Variants in CCDC88C observed in about 807,000 individuals in gnomAD.
CCDC88C encodes the protein protein Daple.
A neutral mutation model predicts 198.8 loss-of-function variants in CCDC88C; 131 were observed. The observed-to-expected ratio is 0.66, with a 90% CI of 0.57 to 0.76. The LOEUF (loss-of-function observed/expected upper bound fraction) is 0.76, where lower values mean the gene tolerates loss of function less well. Ranked by LOEUF, CCDC88C falls within the 30% of genes least tolerant of loss-of-function variation. The pLI is 0.00. For missense variants in CCDC88C, 2,553 were observed against 2,631.6 expected (o/e 0.97, Z 0.65); for synonymous variants, 1,166 against 1,114.7 (o/e 1.05, Z -0.92).
chr14:91,394,048 C>T (rs531739797), intron 3 of CCDC88C, among the ~76,000 whole-genome samples: 19 of 152,282 alleles, frequency 1.2e-4, no homozygotes, highest in Non-Finnish European at 1.6e-4. Flanking sequence ...GAAGGTGAGC[C>T]TGTCTGGTTA....
Position 91,307,202 on chromosome 14 carries a change from T to C in CCDC88C, c.3031A>G (p.Arg1011Gly). The C allele has an allele frequency of 1.2e-6, 2 of 1,613,734 alleles. No individual in the cohort carries two copies. Among genetic ancestry groups the C allele is most frequent in the Non-Finnish European group, 1.7e-6 (2 of 1,179,876 alleles). Residue 1011 changes from arginine (R) to glycine (G), a missense_variant, in exon 18 of 30, where the codon AGG becomes GGG. By Grantham distance (125) the Arg-to-Gly change is moderately radical. Transcript: ENST00000389857. Reference protein sequence around the residue: ...QMLKKECETLRQNQGEGQHLQ... With the variant: ...QMLKKECETLGQNQGEGQHLQ... ...TGCTGCCCCTCTCCCTGGTTCTGCC[T>C]GAGGGTCTCACACTCCTTCTTTAGC...
At chr14:91,329,225 G>A (rs1385953227) in intron 10 of CCDC88C, among the ~76,000 whole-genome samples, 1 of 152,168 alleles carries the variant, frequency 6.6e-6, no homozygotes, top group South Asian at 2.1e-4. Context: ...TAAACCAAAC[G>A]GCAGGTCTGT....
chr14:91,355,203 G>A (rs1893987829), intron 4 of CCDC88C, among the ~76,000 whole-genome samples: 2 of 152,200 alleles, frequency 1.3e-5, no homozygotes, highest in African/African-American at 4.8e-5. Context: ...GAGGGCTGCA[G>A]AGGAGAGCTC....
At chr14:91,397,575 G>T (rs1465253413) in intron 3 of CCDC88C, among the ~76,000 whole-genome samples, 2 of 152,178 alleles carry the variant, frequency 1.3e-5, no homozygotes, top group Non-Finnish European at 2.9e-5. Flanking sequence ...TTCGCCCTCT[G>T]CAACACCTGC....
At position 91,294,259 on chromosome 14, in the gene CCDC88C, G is replaced by T. The variant is rs377320239; in HGVS notation, c.4026C>A (p.Ile1342=). The T allele has an allele frequency of 3.9e-5, 63 of 1,613,892 alleles. No individual in the cohort carries two copies. The highest frequency in any genetic ancestry group is 1.6e-4 in the Middle Eastern group (1 of 6,084). Residue 1342 remains isoleucine, a synonymous_variant, in exon 23 of 30, where the codon ATC becomes ATA. Transcript: ENST00000389857. ...EEENHHLLSQ[I]QLLSQQNQML... The stretch of plus-strand genomic sequence containing the variant: ...TCTGGTTCTGCTGGCTCAACAGCTG[G>T]ATCTGGCTCAGGAGGTGATGATTTT...
At chr14:91,290,963 G>T in intron 24 of CCDC88C, 32 bp downstream of exon 24, 2 of 1,344,414 alleles carry the variant, frequency 1.5e-6, no homozygotes, top group Non-Finnish European at 2.1e-6. Flanking sequence ...TTTAAGTTCT[G>T]TCTTTATGCC....
At position 91,277,910 on chromosome 14, in the gene CCDC88C, C is replaced by T. The variant is rs960384166; in HGVS notation, c.5058+12G>A. The T allele has an allele frequency of 7.4e-6, 11 of 1,482,680 alleles. No individual in the cohort carries two copies. Among genetic ancestry groups the T allele is most frequent in the Middle Eastern group, 1.8e-4 (1 of 5,666 alleles). The allele number at this position is 1,482,680 out of a possible 1,614,324, so 91.8% of individuals were successfully genotyped here. On this transcript the variant is annotated intron_variant, in intron 29 of 29. Coordinates refer to ENST00000389857, the MANE Select transcript of CCDC88C (RefSeq NM_001080414.4). ...AAGAGAGACGGGCCAAGTCCGTGTC[C>T]GGATCACTCACATGGGTGGGGGAGC...
chr14:91,394,810 C>A (rs888480780), intron 3 of CCDC88C, among the ~76,000 whole-genome samples: 1 of 152,160 alleles, frequency 6.6e-6, no homozygotes, highest in Non-Finnish European at 1.5e-5. Context: ...GACAGGCACA[C>A]GTGCACACTC....
rs1460755916 is a variant in CCDC88C at position 91,371,949 on chromosome 14, G to T, written c.271-12238C>A. 1.3e-5 allele frequency among the ~76,000 whole-genome samples: 2 copies of T among 152,210 alleles called. No individual in the cohort carries two copies. The highest frequency in any genetic ancestry group is 2.9e-5 in the Non-Finnish European group (2 of 68,032). The stretch of plus-strand genomic sequence containing the variant: ...ACCCCAGCCTGCTGGGACCTGTGAG[G>T]GTGGGAAAGGCAGGCAGTGGGGGCA... On this transcript the variant is annotated intron_variant, in intron 3 of 29. Transcript: ENST00000389857. This position sits in a 1 kb window ranked among gnomAD's most constrained non-coding sequence, Gnocchi z 4.2.
At chr14:91,275,094 T>C (rs894554773) in intron 29 of CCDC88C, among the ~76,000 whole-genome samples, 1 of 152,146 alleles carries the variant, frequency 6.6e-6, no homozygotes, top group East Asian at 1.9e-4. Flanking sequence ...ATTAGGGGCC[T>C]TGTGTGTCAG....
At position 91,314,088 on chromosome 14, in the gene CCDC88C, C is replaced by A. The variant is rs764283204; in HGVS notation, c.1728G>T (p.Arg576Ser). 1 of 1,613,800 alleles carries A rather than the reference C, an allele frequency of 6.2e-7. No homozygotes were observed. Among genetic ancestry groups the A allele is most frequent in the Admixed American group, 1.7e-5 (1 of 60,022 alleles). ...TGCGGGCCTCACTGCTGACCTGCGA[C>A]CTCTCCCGCAGCGACCACATGGCTC... is the stretch of plus-strand genomic sequence containing the variant. ...LNRAMWSLRE[R>S]SQVSSEARMK... Residue 576 changes from arginine (R) to serine (S), a missense_variant, in exon 15 of 30, where the codon AGG becomes AGT. Arg to Ser is a moderately radical substitution (Grantham distance 110). This residue lies in a region of CCDC88C where 1,260 missense variants were observed against 1,412.0 expected (regional missense o/e 0.89). Transcript: ENST00000389857.
At chr14:91,348,322 T>TTA (rs34890400) in intron 4 of CCDC88C, among the ~76,000 whole-genome samples, 7,467 of 117,910 alleles carry the variant, frequency 0.063, 263 homozygotes, top group South Asian at 0.11. Context: ...CTATCTCTAT[T>TTA]AAAAAAAAAA....
chr14:91,343,842 C>T (rs1257312231), intron 4 of CCDC88C, among the ~76,000 whole-genome samples, 185 bp from the exon 5 acceptor site: 1 of 152,062 alleles, frequency 6.6e-6, no homozygotes, highest in African/African-American at 2.4e-5. Flanking sequence ...TATTTTGAGA[C>T]AGGGTCTCAC....
chr14:91,343,605 A>C lies in CCDC88C; in HGVS notation c.393T>G (p.Ala131=), dbSNP rs1484054664. The change falls in exon 5 of 30, where the codon GCT becomes GCG. Residue 131 remains alanine (A), a synonymous_variant. Coordinates refer to ENST00000389857, the MANE Select transcript of CCDC88C (RefSeq NM_001080414.4). ...KKVLLLVLGC[A]VQCERKEEFI... ...AGCCCTGCCCAATCCCTACCTGGAC[A>C]GCACAGCCCAGCACCAGCAGCAGCA... The C allele has an allele frequency of 6.2e-7, 1 of 1,613,766 alleles. No homozygotes were observed. Among genetic ancestry groups the C allele is most frequent in the Non-Finnish European group, 8.5e-7 (1 of 1,179,810 alleles).
At chr14:91,376,045 G>A (rs1002981935) in intron 3 of CCDC88C, among the ~76,000 whole-genome samples, 1 of 152,214 alleles carries the variant, frequency 6.6e-6, no homozygotes, top group Non-Finnish European at 1.5e-5. Flanking sequence ...TCAGCCAACA[G>A]CCAGCAGCCC....
At chr14:91,351,725 G>C (rs1893809403) in intron 4 of CCDC88C, among the ~76,000 whole-genome samples, 1 of 152,066 alleles carries the variant, frequency 6.6e-6, no homozygotes, top group Non-Finnish European at 1.5e-5. Context: ...TGGTGCAGGA[G>C]CCTCCCGGGG....
chr14:91,388,038 G>A (rs925528060), intron 3 of CCDC88C, among the ~76,000 whole-genome samples: 2 of 152,154 alleles, frequency 1.3e-5, no homozygotes, highest in African/African-American at 4.8e-5. Context: ...CCTTGCGGCT[G>A]GGGATTCAGG....
chr14:91,369,700 G>A (rs941244409), intron 3 of CCDC88C, among the ~76,000 whole-genome samples: 3 of 152,078 alleles, frequency 2.0e-5, no homozygotes, highest in African/African-American at 7.2e-5. Flanking sequence ...TCTTCGGGGC[G>A]GGGAGTCCTG....
intron 10 of CCDC88C, among the ~76,000 whole-genome samples, chr14:91,332,590 G>A (rs2139845801): frequency 6.6e-6 from 1 of 152,298 alleles, no homozygotes; most frequent in South Asian, 2.1e-4. Flanking sequence ...GTGCTTTACG[G>A]GTTAGACGGG....
Sources: gnomAD v4.1 joint callset for allele counts (sites outside exome capture counted in the v4.1 genomes callset) on GRCh38, gnomAD v4.1.1 for gene constraint, gnomAD v4.1.1 regional missense constraint, Gnocchi (gnomAD v3.1) non-coding constraint, MANE v1.5 for transcripts, NCBI Gene and HGNC (gene_info 2026-07-23, HGNC 2026-07-21) for gene names.